Variants in ZNF525 observed in about 807,000 individuals in gnomAD.
The protein encoded by ZNF525 is zinc finger protein 525.
Under a neutral mutation model 37.6 loss-of-function variants are expected in ZNF525, and 33 were observed. The observed-to-expected ratio is 0.88, with a 90% CI of 0.67 to 1.17. The LOEUF is 1.17. Ranked by LOEUF, ZNF525 falls within the 50% of genes most tolerant of loss-of-function variation. The probability of loss-of-function intolerance (pLI) is 0.00; values close to 1 mark genes in which losing one functional copy is unlikely to be tolerated. For synonymous variants in ZNF525, 170 were observed against 182.3 expected (o/e 0.93, Z 0.54); for missense variants, 449 against 543.1 (o/e 0.83, Z 1.72).
chr19:53,366,832 G>T (rs1464001485), intron 1 of ZNF525, among the ~76,000 whole-genome samples: 5 of 138,568 alleles, frequency 3.6e-5, no homozygotes, highest in African/African-American at 1.5e-4. Context: ...ATTTAACGGG[G>T]AGAGCAGAGG....
chr19:53,370,148 C>T (rs1007908925), intron 1 of ZNF525, among the ~76,000 whole-genome samples: 2 of 150,786 alleles, frequency 1.3e-5, no homozygotes, highest in African/African-American at 2.4e-5. Context: ...TAGCTGGGTG[C>T]GGTGGCCCAC....
chr19:53,374,134 C>T (rs920632418), intron 2 of ZNF525, among the ~76,000 whole-genome samples: 13 of 152,214 alleles, frequency 8.5e-5, no homozygotes, highest in African/African-American at 2.6e-4. Flanking sequence ...CCACACACCT[C>T]GGCCTCCCAA....
rs1268174634 is a variant in ZNF525, at chr19:53,381,885, G to A, written c.1306G>A (p.Glu436Lys). Residue 436 changes from glutamate (E) to lysine (K), a missense_variant, in exon 4 of 4, where the codon GAG (glutamate) becomes AAG (lysine). Coordinates refer to ENST00000474037, the MANE Select transcript of ZNF525 (RefSeq NM_001348156.2). ...LERHRRIHNG[E>K]KLYKCNECGK... The stretch of plus-strand genomic sequence containing the variant: ...AAGACATAGGAGAATTCATAATGGA[G>A]AGAAACTGTACAAATGTAATGAGTG... 8 of 1,001,254 alleles carry A rather than the reference G, an allele frequency of 8.0e-6. No homozygotes were observed. The highest frequency in any genetic ancestry group is 5.1e-5 in the Admixed American group (3 of 59,250). 62.0% of individuals were successfully genotyped at this position (1,001,254 alleles called of 1,614,324 possible). A position where few individuals can be genotyped will look rare whatever the true frequency, so the allele number is the denominator to read the frequency against.
At position 53,375,912 on chromosome 19, in the gene ZNF525, C is replaced by T. The variant is rs759954241; in HGVS notation, c.142+16C>T. 2.5e-6 allele frequency: 4 copies of T among 1,613,286 alleles called. No individual in the cohort carries two copies. In the East Asian group the frequency reaches 6.7e-5, roughly 27 times the overall value. ...GTCTCCCTGGGTGAGGATAACTTCC[C>T]TCCAGAAGTGGGGATGTGTCCTTTC... is the stretch of plus-strand genomic sequence containing the variant. On this transcript the variant is annotated intron_variant, in intron 3 of 3. Coordinates refer to ENST00000474037, the MANE Select transcript of ZNF525 (RefSeq NM_001348156.2).
chr19:53,381,920 C>G lies in ZNF525; in HGVS notation c.1341C>G (p.Thr447=). The change falls in exon 4 of 4, where the codon ACC becomes ACG. Residue 447 remains threonine (T), a synonymous_variant. Transcript: ENST00000474037. ...ACAAATGTAATGAGTGTGGCAAGAC[C>G]TTCAGTCAGGAGTTATCCCTTACCT... ...KLYKCNECGK[T]FSQELSLTCH... is the part of the protein sequence containing the mutation. The G allele has an allele frequency of 1.0e-6, 1 of 973,896 alleles. No homozygotes were observed. Among genetic ancestry groups the G allele is most frequent in the African/African-American group, 1.6e-5 (1 of 63,166 alleles). The allele number at this position is 973,896 out of a possible 1,614,324, so 60.3% of individuals were successfully genotyped here.
At chr19:53,377,781 C>T (rs189303856) in intron 3 of ZNF525, among the ~76,000 whole-genome samples, 111 of 152,092 alleles carry the variant, frequency 7.3e-4, no homozygotes, top group African/African-American at 2.6e-3. Flanking sequence ...AGAATGGTCT[C>T]GATCTCCTGA....
chr19:53,385,052 C>A lies in ZNF525; in HGVS notation c.*3033C>A. 1.4e-6 allele frequency: 1 copy of A among 695,960 alleles called. No homozygotes were observed. Among genetic ancestry groups the A allele is most frequent in the Non-Finnish European group, 2.6e-6 (1 of 382,756 alleles). The allele number at this position is 695,960 out of a possible 1,614,324, so 43.1% of individuals were successfully genotyped here. A position where few individuals can be genotyped will look rare whatever the true frequency, so the allele number is the denominator to read the frequency against. The stretch of plus-strand genomic sequence containing the variant: ...GGTGATGTGGTTTTAATCTTTCATT[C>A]TGTTCTAGTGGTATATAACATTGAT... On this transcript the variant is annotated 3_prime_UTR_variant, in exon 4 of 4. Transcript: ENST00000474037.
At chr19:53,369,971 G>A (rs60777528) in intron 1 of ZNF525, among the ~76,000 whole-genome samples, 13 of 149,046 alleles carry the variant, frequency 8.7e-5, no homozygotes, top group South Asian at 6.4e-4. Flanking sequence ...TGATCCGCCC[G>A]CCTCGGCCTC....
rs764612408 is a variant in ZNF525 at position 53,381,256 on chromosome 19, A to G, written c.677A>G (p.Tyr226Cys). 6 of 1,385,606 alleles carry G rather than the reference A, an allele frequency of 4.3e-6. No homozygotes were observed. Among genetic ancestry groups the G allele is most frequent in the Non-Finnish European group, 3.1e-6 (3 of 971,728 alleles). 85.8% of individuals were successfully genotyped at this position (1,385,606 alleles called of 1,614,324 possible). The change falls in exon 4 of 4, where the codon TAT becomes TGT. Residue 226 changes from tyrosine (Y) to cysteine (C), a missense_variant. Tyr to Cys is a radical substitution (Grantham distance 194). Transcript: ENST00000474037. ...ATTGAGAGTGGCAAAGCCTTTAATTATAGCTCACTCTTAAGGAAACATCAG... is the reference window on the plus strand; with the variant it reads ...ATTGAGAGTGGCAAAGCCTTTAATTGTAGCTCACTCTTAAGGAAACATCAG... Reference protein sequence around the residue: ...QCIESGKAFNYSSLLRKHQII... With the variant: ...QCIESGKAFNCSSLLRKHQII...
intron 3 of ZNF525, chr19:53,376,394 T>C (rs1313377295): frequency 4.5e-5 from 31 of 682,396 alleles, no homozygotes; most frequent in Non-Finnish European, 2.7e-6. Context: ...ATATTACTGA[T>C]GCAGAAGACC....
chr19:53,376,364 G>A, intron 3 of ZNF525: 2 of 697,740 alleles, frequency 2.9e-6, no homozygotes, highest in Non-Finnish European at 5.2e-6. Flanking sequence ...TGAGTGCAGA[G>A]TTAAATATTT....
rs2085568297 is a variant in ZNF525, at chr19:53,381,911, T to C, written c.1332T>C (p.Cys444=). Residue 444 remains cysteine (C), a synonymous_variant, in exon 4 of 4, where the codon TGT becomes TGC. Transcript: ENST00000474037. ...NGEKLYKCNE[C]GKTFSQELSL... ...AGAAACTGTACAAATGTAATGAGTGTGGCAAGACCTTCAGTCAGGAGTTAT... is the reference window on the plus strand; with the variant it reads ...AGAAACTGTACAAATGTAATGAGTGCGGCAAGACCTTCAGTCAGGAGTTAT... 3.1e-6 allele frequency: 3 copies of C among 970,626 alleles called. No homozygotes were observed. In the South Asian group the frequency reaches 3.8e-5, roughly 12 times the overall value. 60.1% of individuals were successfully genotyped at this position (970,626 alleles called of 1,614,324 possible). A position where few individuals can be genotyped will look rare whatever the true frequency, so the allele number is the denominator to read the frequency against.
chr19:53,380,117 G>A (rs771739677), intron 3 of ZNF525, among the ~76,000 whole-genome samples: 2 of 150,458 alleles, frequency 1.3e-5, no homozygotes, highest in South Asian at 2.1e-4. Context: ...TTGAGATGGA[G>A]TCTCACTTTG....
intron 1 of ZNF525, among the ~76,000 whole-genome samples, chr19:53,371,946 G>A (rs2085490682): frequency 6.6e-6 from 1 of 152,176 alleles, no homozygotes; most frequent in African/African-American, 2.4e-5. Context: ...ACTGCACCCA[G>A]CCTCTGTATG....
intron 1 of ZNF525, 51 bp from the exon 2 acceptor site, chr19:53,372,164 G>A (rs1049326746): frequency 8.2e-6 from 5 of 613,066 alleles, no homozygotes; most frequent in African/African-American, 3.6e-5. Context: ...TGTGTTACAG[G>A]GAGGGTGTGT....
At chr19:53,367,313 A>AT (rs1555826371) in intron 1 of ZNF525, among the ~76,000 whole-genome samples, 11,145 of 76,438 alleles carry the variant, frequency 0.15, 703 homozygotes, top group African/African-American at 0.21. Flanking sequence ...GAATGAATAC[A>AT]TTTTTTTTTT....
chr19:53,368,139 A>G (rs1426576672), intron 1 of ZNF525, among the ~76,000 whole-genome samples: 1 of 152,116 alleles, frequency 6.6e-6, no homozygotes, highest in African/African-American at 2.4e-5. Flanking sequence ...GATTGTTTCA[A>G]GTACACAAGC....
chr19:53,377,122 T>A (rs565296287), intron 3 of ZNF525, among the ~76,000 whole-genome samples: 1 of 152,230 alleles, frequency 6.6e-6, no homozygotes, highest in East Asian at 1.9e-4. Context: ...GGAAAAAAAG[T>A]TGAATTATGA....
rs917222200 is a variant in ZNF525, at chr19:53,384,794, A to G, written c.*2775A>G. On this transcript the variant is annotated 3_prime_UTR_variant, in exon 4 of 4. Transcript: ENST00000474037. The stretch of plus-strand genomic sequence containing the variant: ...TGAGTTTGATTTCTTTTGCTATTTA[A>G]TTGCTCTGGCTAGGACAGGCAGTAT... 2.3e-5 allele frequency: 11 copies of G among 488,760 alleles called. No individual in the cohort carries two copies. Among genetic ancestry groups the G allele is most frequent in the Non-Finnish European group, 3.6e-5 (10 of 276,238 alleles). The allele number at this position is 488,760 out of a possible 1,614,324, so 30.3% of individuals were successfully genotyped here.
Sources: gnomAD v4.1 joint callset for allele counts (sites outside exome capture counted in the v4.1 genomes callset) on GRCh38, gnomAD v4.1.1 for gene constraint, MANE v1.5 for transcripts, NCBI Gene and HGNC (gene_info 2026-07-23, HGNC 2026-07-21) for gene names.